The following SH2D4A variants were observed in gnomAD, a reference collection of about 807,000 sequenced individuals.
SH2D4A encodes SH2 domain-containing protein 4A.
SH2D4A carries 70 observed loss-of-function variants against 64.7 expected under a neutral mutation model. The observed-to-expected ratio is 1.08, with a 90% confidence interval of 0.89 to 1.32. The LOEUF (loss-of-function observed/expected upper bound fraction) is 1.32, where lower values mean the gene tolerates loss of function less well. Ranked by LOEUF, SH2D4A falls within the 40% of genes most tolerant of loss-of-function variation. The pLI, the probability that SH2D4A is intolerant of heterozygous loss-of-function variation, is 0.00. For synonymous variants in SH2D4A, 268 were observed against 200.7 expected (o/e 1.34, Z -2.83); for missense variants, 706 against 540.1 (o/e 1.31, Z -3.04).
At chr8:19,388,929 T>C (rs1051170268) in intron 8 of SH2D4A, among the ~76,000 whole-genome samples, 4 of 152,214 alleles carry the variant, frequency 2.6e-5, no homozygotes, top group African/African-American at 9.6e-5. Context: ...CAGAAGGTTC[T>C]GTGAATTCTT....
Position 19,394,877 on chromosome 8 carries a change from AG to A in SH2D4A, c.*236del, listed in dbSNP as rs2053561387. ...AGGGAGAAGAGTCTCAATTTCAGCAAGTACCTGTCATGAAGGGTATGACCTT... is the reference window on the plus strand; with the variant it reads ...AGGGAGAAGAGTCTCAATTTCAGCAATACCTGTCATGAAGGGTATGACCTT... On this transcript the variant is annotated 3_prime_UTR_variant, in exon 10 of 10. Transcript: ENST00000265807. 1 of 369,860 alleles carries A rather than the reference AG, an allele frequency of 2.7e-6. No homozygotes were observed. Among genetic ancestry groups the A allele is most frequent in the Non-Finnish European group, 4.8e-6 (1 of 206,548 alleles). The allele number at this position is 369,860 out of a possible 1,614,324, so 22.9% of individuals were successfully genotyped here. A position where few individuals can be genotyped will look rare whatever the true frequency, so the allele number is the denominator to read the frequency against.
At position 19,373,616 on chromosome 8, in the gene SH2D4A, C is replaced by T. The variant is rs772813574; in HGVS notation, c.1004C>T (p.Ala335Val). 1.9e-5 allele frequency: 31 copies of T among 1,613,152 alleles called. No individual in the cohort carries two copies. Among genetic ancestry groups the T allele is most frequent in the African/African-American group, 5.3e-5 (4 of 74,802 alleles). ...AAAGAGGAGCAGCTACCACTTCGAGCGGGCTACCAGAAAACCTCAGACACC... is the reference window on the plus strand; with the variant it reads ...AAAGAGGAGCAGCTACCACTTCGAGTGGGCTACCAGAAAACCTCAGACACC... ...WFKEEQLPLR[A>V]GYQKTSDTIA... Residue 335 changes from alanine (A) to valine (V), a missense_variant, in exon 8 of 10, where the codon GCG becomes GTG. By Grantham distance (64) the Ala-to-Val change is moderately conservative (BLOSUM62 0). Transcript: ENST00000265807.
At chr8:19,357,500 T>C (rs11995233) in intron 5 of SH2D4A, among the ~76,000 whole-genome samples, 48,983 of 152,086 alleles carry the variant, frequency 0.32, 8,710 homozygotes, top group African/African-American at 0.48. Context: ...CAAGTTGTAT[T>C]AGCTAAACTC....
intron 2 of SH2D4A, among the ~76,000 whole-genome samples, chr8:19,328,282 T>G (rs1308341407): frequency 6.6e-6 from 1 of 152,152 alleles, no homozygotes; most frequent in Non-Finnish European, 1.5e-5. Flanking sequence ...AATTCTGGAT[T>G]CCAGATGTCG....
chr8:19,317,149 A>G (rs943090410), intron 1 of SH2D4A, among the ~76,000 whole-genome samples: 1 of 152,146 alleles, frequency 6.6e-6, no homozygotes, highest in African/African-American at 2.4e-5. Flanking sequence ...AAAACCAACC[A>G]TTGAACTTAA....
At chr8:19,379,118 A>G (rs1245729646) in intron 8 of SH2D4A, among the ~76,000 whole-genome samples, 1 of 150,910 alleles carries the variant, frequency 6.6e-6, no homozygotes, top group Non-Finnish European at 1.5e-5. Context: ...ACCACCATCC[A>G]TCTGCAGAAG....
At chr8:19,346,656 G>A (rs541510163) in intron 4 of SH2D4A, among the ~76,000 whole-genome samples, 2 of 152,160 alleles carry the variant, frequency 1.3e-5, no homozygotes, top group African/African-American at 4.8e-5. Context: ...ATGCCAAAAA[G>A]GTAGGGAACT....
At chr8:19,355,331 C>G (rs2052775752) in intron 4 of SH2D4A, among the ~76,000 whole-genome samples, 1 of 152,120 alleles carries the variant, frequency 6.6e-6, no homozygotes, top group South Asian at 2.1e-4. Context: ...TCATCTTGGA[C>G]TTTTGAGCAG....
chr8:19,384,157 AT>A (rs1433803778), intron 8 of SH2D4A, among the ~76,000 whole-genome samples: 1 of 152,128 alleles, frequency 6.6e-6, no homozygotes, highest in East Asian at 1.9e-4. Context: ...ACAAGTGTTT[AT>A]TTAGGGCCTG....
intron 7 of SH2D4A, among the ~76,000 whole-genome samples, chr8:19,368,410 T>G (rs954366611): frequency 7.2e-5 from 11 of 152,126 alleles, no homozygotes; most frequent in African/African-American, 2.7e-4. Context: ...TCATTGGTAT[T>G]TTGATAGGAA....
chr8:19,374,902 G>T (rs1265180909), intron 8 of SH2D4A, among the ~76,000 whole-genome samples: 1 of 152,148 alleles, frequency 6.6e-6, no homozygotes, highest in Non-Finnish European at 1.5e-5. Flanking sequence ...AAGCACCGAG[G>T]AAATCAGCCA....
At chr8:19,377,281 C>G (rs1025829221) in intron 8 of SH2D4A, among the ~76,000 whole-genome samples, 1 of 152,190 alleles carries the variant, frequency 6.6e-6, no homozygotes, top group Non-Finnish European at 1.5e-5. Flanking sequence ...ACTTGGGAGG[C>G]TGAGGCAGGA....
At chr8:19,332,573 C>T (rs2052378665) in intron 2 of SH2D4A, among the ~76,000 whole-genome samples, 1 of 148,916 alleles carries the variant, frequency 6.7e-6, no homozygotes, top group Non-Finnish European at 1.5e-5. Context: ...TGGCAGGTGC[C>T]TGTAATCCCA....
intron 4 of SH2D4A, among the ~76,000 whole-genome samples, chr8:19,353,677 T>TTTTTG (rs1207508369): frequency 6.9e-6 from 1 of 144,410 alleles, no homozygotes; most frequent in Non-Finnish European, 1.5e-5. Context: ...TCTAGCTGTT[T>TTTTTG]TTTTTTTTTT....
At chr8:19,371,457 C>G (rs1171416723) in intron 7 of SH2D4A, among the ~76,000 whole-genome samples, 1 of 151,960 alleles carries the variant, frequency 6.6e-6, no homozygotes, top group Non-Finnish European at 1.5e-5. Flanking sequence ...ATCTGTCTTA[C>G]ATGTTATTTG....
intron 8 of SH2D4A, among the ~76,000 whole-genome samples, chr8:19,382,773 T>C (rs542442677): frequency 2.0e-3 from 161 of 82,428 alleles, no homozygotes; most frequent in African/African-American, 5.3e-3. Context: ...CCATCCTTTG[T>C]ATGTGATGAG....
At chr8:19,363,070 G>T (rs1230547060) in intron 6 of SH2D4A, among the ~76,000 whole-genome samples, 2 of 151,820 alleles carry the variant, frequency 1.3e-5, no homozygotes, top group East Asian at 1.9e-4. Flanking sequence ...TATGTTGGGG[G>T]TATTGATTAT....
intron 8 of SH2D4A, among the ~76,000 whole-genome samples, chr8:19,384,458 C>T (rs572467517): frequency 1.4e-4 from 22 of 152,324 alleles, no homozygotes; most frequent in African/African-American, 5.3e-4. Flanking sequence ...TGTCCTTGAA[C>T]ACCCATTTTT....
At chr8:19,347,144 T>C (rs943835398) in intron 4 of SH2D4A, among the ~76,000 whole-genome samples, 1 of 152,192 alleles carries the variant, frequency 6.6e-6, no homozygotes, top group African/African-American at 2.4e-5. Flanking sequence ...GAGTCAGTGT[T>C]GTGGTTCTCC....
Sources: gnomAD v4.1 joint callset for allele counts (sites outside exome capture counted in the v4.1 genomes callset) on GRCh38, gnomAD v4.1.1 for gene constraint, MANE v1.5 for transcripts, NCBI Gene and HGNC (gene_info 2026-07-23, HGNC 2026-07-21) for gene names.